EFR3A: variants seen among roughly 807,000 people sequenced by gnomAD.
EFR3A encodes the protein EFR3 homolog A, also known as protein EFR3 homolog A.
EFR3A carries 76 observed loss-of-function variants against 104.4 expected under a neutral mutation model. The observed-to-expected ratio is 0.73, with a 90% confidence interval of 0.60 to 0.88. The LOEUF is 0.88. Among genes scored for constraint, EFR3A ranks in the 40% least tolerant of loss-of-function variants. The pLI is 0.00. For missense variants in EFR3A, 985 were observed against 1,012.5 expected (o/e 0.97, Z 0.37); for synonymous variants, 330 against 330.0 (o/e 1.00, Z 0.00).
At chr8:131,977,716 T>A (rs932264086) in intron 12 of EFR3A, among the ~76,000 whole-genome samples, 1 of 152,194 alleles carries the variant, frequency 6.6e-6, no homozygotes, top group Non-Finnish European at 1.5e-5. Flanking sequence ...TCTAATTTTT[T>A]AAACAGACTC....
Position 131,953,828 on chromosome 8 carries a change from G to C in EFR3A, c.499G>C (p.Ala167Pro). ...DPEIRTEIRI[A>P]GIRGIQGVVR... ...TTTTTTTTTTTATAGGATACGAATT[G>C]CTGGAATTAGAGGTATTCAAGGTGT... The change falls in exon 6 of 23, where the codon GCT becomes CCT. Residue 167 changes from alanine (A) to proline (P), a missense_variant. By Grantham distance (27) the Ala-to-Pro change is conservative. Coordinates refer to ENST00000254624, the MANE Select transcript of EFR3A (RefSeq NM_015137.6). 6.7e-7 allele frequency: 1 copy of C among 1,501,122 alleles called. No homozygotes were observed. Among genetic ancestry groups the C allele is most frequent in the Non-Finnish European group, 8.9e-7 (1 of 1,125,840 alleles). 93.0% of individuals were successfully genotyped at this position (1,501,122 alleles called of 1,614,324 possible).
chr8:131,919,829 T>G (rs909276766), intron 1 of EFR3A, among the ~76,000 whole-genome samples: 3 of 151,264 alleles, frequency 2.0e-5, no homozygotes, highest in Non-Finnish European at 4.4e-5. Context: ...TCTTTTTAAC[T>G]TTTTAATTGT....
chr8:131,949,263 C>G (rs1171486667), intron 4 of EFR3A, among the ~76,000 whole-genome samples: 1 of 152,026 alleles, frequency 6.6e-6, no homozygotes, highest in Non-Finnish European at 1.5e-5. Flanking sequence ...TCATGATTCT[C>G]AACCCTTCAA....
At chr8:131,981,305 G>A (rs1299146126) in intron 14 of EFR3A, among the ~76,000 whole-genome samples, 1 of 151,806 alleles carries the variant, frequency 6.6e-6, no homozygotes, top group Non-Finnish European at 1.5e-5. Context: ...GTAATTTAAC[G>A]GCAAGATTAG....
At chr8:131,959,067 A>T (rs1819170557) in intron 7 of EFR3A, among the ~76,000 whole-genome samples, 1 of 152,194 alleles carries the variant, frequency 6.6e-6, no homozygotes, top group African/African-American at 2.4e-5. Flanking sequence ...TTAACCATTA[A>T]GGTTGATAAT....
At chr8:131,940,666 T>C (rs1023949693) in intron 2 of EFR3A, 91 bp downstream of exon 2, 17 of 1,490,506 alleles carry the variant, frequency 1.1e-5, no homozygotes, top group African/African-American at 4.2e-5. Flanking sequence ...TTCATTTCTC[T>C]ACTTTTACCC....
intron 14 of EFR3A, among the ~76,000 whole-genome samples, chr8:131,981,463 A>C (rs1199087377): frequency 1.3e-5 from 2 of 152,004 alleles, no homozygotes; most frequent in Admixed American, 1.3e-4. Flanking sequence ...CTTTAGAAGC[A>C]ATGTGTTCAC....
chr8:132,009,084 T>C (rs2130822665), intron 22 of EFR3A, among the ~76,000 whole-genome samples: 1 of 151,876 alleles, frequency 6.6e-6, no homozygotes, highest in East Asian at 1.9e-4. Context: ...ACCAGGAAAA[T>C]ATAAGAAAAC....
chr8:131,969,758 AACAT>A (rs1267211034), intron 9 of EFR3A, among the ~76,000 whole-genome samples: 1 of 152,192 alleles, frequency 6.6e-6, no homozygotes, highest in African/African-American at 2.4e-5. Context: ...AATGAAATAA[AACAT>A]AGATGATACA....
rs996052090 is a variant in EFR3A at position 131,904,122 on chromosome 8, C to G, written c.-191C>G. On this transcript the variant is annotated 5_prime_UTR_variant, in exon 1 of 23. Transcript: ENST00000254624. ...GTCGCGCCGCCCGGCGAGGAGTGGG[C>G]TGGCGGCGGTAGCTGTCGCCCGCTT... is the stretch of plus-strand genomic sequence containing the variant. The G allele has an allele frequency of 8.8e-6, 5 of 566,162 alleles. No individual in the cohort carries two copies. The highest frequency in any genetic ancestry group is 1.3e-5 in the Non-Finnish European group (5 of 385,334). 35.1% of individuals were successfully genotyped at this position (566,162 alleles called of 1,614,324 possible). A position where few individuals can be genotyped will look rare whatever the true frequency, so the allele number is the denominator to read the frequency against.
At chr8:131,986,796 A>C (rs1344451561) in intron 17 of EFR3A, among the ~76,000 whole-genome samples, 1 of 141,016 alleles carries the variant, frequency 7.1e-6, no homozygotes, top group Non-Finnish European at 1.5e-5. Context: ...TCTCAAAAAA[A>C]AAAAAAAAAA....
In EFR3A at chr8:131,970,640, A is replaced by G. The variant is rs1820000170; in HGVS notation, c.1156A>G (p.Ile386Val). 6.2e-7 allele frequency: 1 copy of G among 1,612,702 alleles called. No individual in the cohort carries two copies. Among genetic ancestry groups the G allele is most frequent in the East Asian group, 2.2e-5 (1 of 44,830 alleles). Residue 386 changes from isoleucine (I) to valine (V), a missense_variant, in exon 10 of 23, where the codon ATA becomes GTA. By Grantham distance (29) the Ile-to-Val change is conservative. Coordinates refer to ENST00000254624, the MANE Select transcript of EFR3A (RefSeq NM_015137.6). ...TGTGCAGAATGCTATCATCCAAACA[A>G]TAGGTGAGTACATTTCACTTTTCAA... ...KIVQNAIIQT[I>V]GFFGSNLPDY...
At position 131,940,495 on chromosome 8, in the gene EFR3A, A is replaced by C; in HGVS notation, c.11-4A>C. 6.3e-7 allele frequency: 1 copy of C among 1,579,174 alleles called. No individual in the cohort carries two copies. The highest frequency in any genetic ancestry group is 1.4e-5 in the African/African-American group (1 of 72,362). ...GTATTTCTTGATTTTTTTTTTTTTA[A>C]CAGGAGTATGCTGCTGCTGTTCCGC... is the stretch of plus-strand genomic sequence containing the variant. On this transcript the variant is annotated splice_polypyrimidine_tract_variant and splice_region_variant and intron_variant, in intron 1 of 22. Coordinates refer to ENST00000254624, the MANE Select transcript of EFR3A (RefSeq NM_015137.6).
chr8:131,989,610 T>C (rs1281701260), intron 18 of EFR3A, among the ~76,000 whole-genome samples: 1 of 152,208 alleles, frequency 6.6e-6, no homozygotes, highest in Non-Finnish European at 1.5e-5. Context: ...GGGACTCAAA[T>C]ATTGTTCAGG....
Position 131,944,810 on chromosome 8 carries a change from G to A in EFR3A, c.153G>A (p.Leu51=), listed in dbSNP as rs1818345968. The A allele has an allele frequency of 6.2e-7, 1 of 1,609,748 alleles. No homozygotes were observed. The highest frequency in any genetic ancestry group is 1.3e-5 in the African/African-American group (1 of 74,728). ...TFYAVSAPEK[L]DRIGSYLAER... Reference sequence around the variant, plus strand: ...ATGCAGTATCTGCTCCAGAGAAACTGGATCGAATTGGTTCTTACCTGGCAG... The same window carrying A: ...ATGCAGTATCTGCTCCAGAGAAACTAGATCGAATTGGTTCTTACCTGGCAG... The change falls in exon 3 of 23, where the codon CTG becomes CTA. Residue 51 remains leucine (L), a synonymous_variant. Coordinates refer to ENST00000254624, the MANE Select transcript of EFR3A (RefSeq NM_015137.6).
intron 8 of EFR3A, among the ~76,000 whole-genome samples, chr8:131,959,996 C>T (rs1819221809): frequency 6.6e-6 from 1 of 152,216 alleles, no homozygotes; most frequent in South Asian, 2.1e-4. Context: ...TTTCTAATCT[C>T]ATAGCCTTCC....
chr8:131,966,485 GTAA>G (rs1819746361), intron 8 of EFR3A, among the ~76,000 whole-genome samples: 1 of 152,086 alleles, frequency 6.6e-6, no homozygotes, highest in Admixed American at 6.6e-5. Context: ...TTGAAAAGTA[GTAA>G]TAATAACTAA....
chr8:131,936,202 A>G (rs970515618), intron 1 of EFR3A, among the ~76,000 whole-genome samples: 5 of 152,168 alleles, frequency 3.3e-5, no homozygotes, highest in African/African-American at 1.2e-4. Context: ...ACTAAGAGGC[A>G]TTGCTGAATC....
rs1281443324 is a variant in EFR3A at position 131,982,333 on chromosome 8, G to A, written c.1576-1806G>A. 2.0e-5 allele frequency among the ~76,000 whole-genome samples: 3 copies of A among 151,856 alleles called. No homozygotes were observed. The East Asian group carries it at 5.8e-4, about 29-fold the overall frequency. On this transcript the variant is annotated intron_variant, in intron 14 of 22. Transcript: ENST00000254624. ...AGCTCTATTTTGGTAAAATTCATCT[G>A]CGTGTGGCTTCGATAGTATTCCATG...
Sources: gnomAD v4.1 joint callset for allele counts (sites outside exome capture counted in the v4.1 genomes callset) on GRCh38, gnomAD v4.1.1 for gene constraint, MANE v1.5 for transcripts, NCBI Gene and HGNC (gene_info 2026-07-23, HGNC 2026-07-21) for gene names.